CAMTA1: variants seen among roughly 807,000 people sequenced by gnomAD.
The protein encoded by CAMTA1 is calmodulin-binding transcription activator 1.
A neutral mutation model predicts 170.9 loss-of-function variants in CAMTA1; 27 were observed. The ratio of observed to expected loss-of-function variants is 0.16; its 90% CI spans 0.12 to 0.22. The LOEUF is 0.22. Among genes scored for constraint, CAMTA1 ranks in the 10% least tolerant of loss-of-function variants. The pLI is 1.00. For synonymous variants in CAMTA1, 833 were observed against 891.5 expected (o/e 0.93, Z 1.17); for missense variants, 1,619 against 2,217.2 (o/e 0.73, Z 5.42).
intron 3 of CAMTA1, among the ~76,000 whole-genome samples, chr1:6,933,846 TAC>T (rs1214642727): frequency 5.3e-5 from 8 of 152,140 alleles, no homozygotes; most frequent in Non-Finnish European, 2.9e-5. Flanking sequence ...TTTAAGCCAA[TAC>T]CCCACTGTCT....
intron 4 of CAMTA1, among the ~76,000 whole-genome samples, chr1:7,104,885 T>G (rs1461290465): frequency 1.3e-5 from 2 of 152,220 alleles, no homozygotes; most frequent in Non-Finnish European, 2.9e-5. Context: ...TTGCCAAACT[T>G]TGAATTCTTT....
chr1:7,115,999 A>G (rs1644308028), intron 4 of CAMTA1, among the ~76,000 whole-genome samples: 1 of 152,206 alleles, frequency 6.6e-6, no homozygotes, highest in Admixed American at 6.5e-5. Context: ...ATGTTTGGCC[A>G]ATATCCAAAT....
At position 7,000,440 on chromosome 1, in the gene CAMTA1, G is replaced by A. The variant is rs1168987354; in HGVS notation, c.235-90864G>A. 2.0e-5 allele frequency among the ~76,000 whole-genome samples: 3 copies of A among 152,338 alleles called. No individual in the cohort carries two copies. In the East Asian group the frequency reaches 5.8e-4, roughly 29 times the overall value. Reference sequence around the variant, plus strand: ...AGGGGAGTAGGTTTAAAATGGCTCTGCTTAGGATGGGAAGTTGAAGAGGCA... The same window carrying A: ...AGGGGAGTAGGTTTAAAATGGCTCTACTTAGGATGGGAAGTTGAAGAGGCA... On this transcript the variant is annotated intron_variant, in intron 3 of 22. Coordinates refer to ENST00000303635, the MANE Select transcript of CAMTA1 (RefSeq NM_015215.4).
rs936313098 is a variant in CAMTA1, at chr1:7,532,781, A to G, written c.510+64880A>G. Among the ~76,000 whole-genome samples, 14 of 152,320 alleles carry G rather than the reference A, an allele frequency of 9.2e-5. 1 individual carries two copies. The highest frequency in any genetic ancestry group is 9.1e-4 in the Admixed American group (14 of 15,302). On this transcript the variant is annotated intron_variant, in intron 6 of 22. Coordinates refer to ENST00000303635, the MANE Select transcript of CAMTA1 (RefSeq NM_015215.4). The surrounding 1 kb of genome is among the most constrained non-coding windows in gnomAD (Gnocchi z 4.2). ...GGATGGATCAAGGGAGATTTAATCC[A>G]TGCTGGAGAAGAAGAAAGAAAGGGA... is the stretch of plus-strand genomic sequence containing the variant.
chr1:7,091,950 C>T (rs187438548), intron 4 of CAMTA1, among the ~76,000 whole-genome samples: 3 of 152,348 alleles, frequency 2.0e-5, no homozygotes, highest in East Asian at 1.9e-4. Flanking sequence ...TGCGTTCCGC[C>T]AGCACCAGTG....
intron 1 of CAMTA1, among the ~76,000 whole-genome samples, chr1:6,789,375 A>G (rs550403116): frequency 1.3e-5 from 2 of 152,264 alleles, no homozygotes; most frequent in East Asian, 3.9e-4. Flanking sequence ...ATGTCCGCCC[A>G]TGTGTCCTGC....
chr1:6,999,256 T>C (rs748926556), intron 3 of CAMTA1, among the ~76,000 whole-genome samples: 18 of 152,340 alleles, frequency 1.2e-4, no homozygotes, highest in Middle Eastern at 3.4e-3. Context: ...ACGTTGTTCT[T>C]GCACTGAGAT....
At chr1:7,119,139 A>T (rs529003228) in intron 4 of CAMTA1, among the ~76,000 whole-genome samples, 5 of 152,264 alleles carry the variant, frequency 3.3e-5, no homozygotes, top group Admixed American at 1.3e-4. Flanking sequence ...TCAGAAATTA[A>T]AGGATTAAAT....
intron 6 of CAMTA1, among the ~76,000 whole-genome samples, chr1:7,597,349 C>A (rs575218567): frequency 1.3e-5 from 2 of 152,234 alleles, no homozygotes; most frequent in East Asian, 3.9e-4. Context: ...CAGAGTGAAG[C>A]CTTGATAAGT....
At chr1:6,843,357 G>A in intron 3 of CAMTA1, among the ~76,000 whole-genome samples, 1 of 152,114 alleles carries the variant, frequency 6.6e-6, no homozygotes, top group East Asian at 1.9e-4. Flanking sequence ...CATCCAATTT[G>A]GAAAGACAGT....
At chr1:7,560,287 T>C (rs7514827) in intron 6 of CAMTA1, among the ~76,000 whole-genome samples, 7,090 of 152,272 alleles carry the variant, frequency 0.047, 573 homozygotes, top group African/African-American at 0.16. Flanking sequence ...GCCCTTCAGG[T>C]CCCCTGGGGT....
At chr1:6,956,980 A>T (rs1440641223) in intron 3 of CAMTA1, among the ~76,000 whole-genome samples, 1 of 152,218 alleles carries the variant, frequency 6.6e-6, no homozygotes, top group Admixed American at 6.5e-5. Flanking sequence ...GAGCTGCTGC[A>T]GTCTTCCCAG....
intron 4 of CAMTA1, among the ~76,000 whole-genome samples, chr1:7,209,501 G>A (rs1658373650): frequency 6.6e-6 from 1 of 152,158 alleles, no homozygotes; most frequent in African/African-American, 2.4e-5. Flanking sequence ...AGAACTGGGA[G>A]GGGGAGGCAG....
chr1:7,461,134 G>T lies in CAMTA1; in HGVS notation c.439-6696G>T, dbSNP rs1390341391. Among the ~76,000 whole-genome samples, 6 of 152,336 alleles carry T rather than the reference G, an allele frequency of 3.9e-5. No individual in the cohort carries two copies. The East Asian group carries it at 1.2e-3, about 29-fold the overall frequency. ...AGAGAAGGTTTTAGGGAAGAGAGGG[G>T]AGGGGAGCTCAGGAATGAGCTTTGC... is the stretch of plus-strand genomic sequence containing the variant. On this transcript the variant is annotated intron_variant, in intron 5 of 22. Coordinates refer to ENST00000303635, the MANE Select transcript of CAMTA1 (RefSeq NM_015215.4).
chr1:7,074,433 G>A (rs953205230), intron 3 of CAMTA1, among the ~76,000 whole-genome samples: 6 of 152,152 alleles, frequency 3.9e-5, no homozygotes, highest in Admixed American at 3.3e-4. Flanking sequence ...AAGAAAATAT[G>A]CAGAAAAGAA....
rs145549691 is a variant in CAMTA1, at chr1:7,060,298, T to A, written c.235-31006T>A. Among the ~76,000 whole-genome samples the A allele has an allele frequency of 3.2e-3, 490 of 152,270 alleles. 3 individuals carry two copies. The highest frequency in any genetic ancestry group is 0.011 in the African/African-American group (466 of 41,542). Reference sequence around the variant, plus strand: ...GCCTCTCTCCTTGGCCTGCAGACGGTGTCTTCTTGCCCTGTCCTCACATGG... The same window carrying A: ...GCCTCTCTCCTTGGCCTGCAGACGGAGTCTTCTTGCCCTGTCCTCACATGG... On this transcript the variant is annotated intron_variant, in intron 3 of 22. Transcript: ENST00000303635.
chr1:6,954,014 A>C lies in CAMTA1; in HGVS notation c.234+128804A>C, dbSNP rs552627901. On this transcript the variant is annotated intron_variant, in intron 3 of 22. Coordinates refer to ENST00000303635, the MANE Select transcript of CAMTA1 (RefSeq NM_015215.4). ...CTTGGGTCCTTGGGGAGGGACGCTC[A>C]GGCCCCTGCCTGGGAAGGATGCCTG... Among the ~76,000 whole-genome samples the C allele has an allele frequency of 2.0e-5, 3 of 152,342 alleles. No individual in the cohort carries two copies. The South Asian group carries it at 6.2e-4, about 32-fold the overall frequency.
intron 1 of CAMTA1, among the ~76,000 whole-genome samples, chr1:6,797,677 G>A (rs978848650): frequency 7.2e-5 from 11 of 151,914 alleles, no homozygotes; most frequent in Non-Finnish European, 1.0e-4. Flanking sequence ...GTGAGCCACC[G>A]CGCCTGTCTT....
intron 5 of CAMTA1, among the ~76,000 whole-genome samples, chr1:7,402,551 T>A (rs535882138): frequency 7.2e-5 from 11 of 152,304 alleles, no homozygotes; most frequent in African/African-American, 2.6e-4. Context: ...GGGCCCATTA[T>A]ATGCTGCAGT....
Sources: gnomAD v4.1 joint callset for allele counts (sites outside exome capture counted in the v4.1 genomes callset) on GRCh38, gnomAD v4.1.1 for gene constraint, Gnocchi (gnomAD v3.1) non-coding constraint, MANE v1.5 for transcripts, NCBI Gene and HGNC (gene_info 2026-07-23, HGNC 2026-07-21) for gene names.